TMEM87B: variants seen among roughly 807,000 people sequenced by gnomAD.
TMEM87B encodes transmembrane protein 87B.
TMEM87B carries 83 observed loss-of-function variants against 80.3 expected under a neutral mutation model. The ratio of observed to expected loss-of-function variants is 1.03; its 90% CI spans 0.87 to 1.24. TMEM87B has a LOEUF of 1.24. TMEM87B is among the 50% of genes most tolerant of loss of function. TMEM87B has a pLI of 0.00. For synonymous variants in TMEM87B, 219 were observed against 230.5 expected, an observed-to-expected ratio of 0.95 and a Z score of 0.45; for missense variants, 625 against 674.4, an observed-to-expected ratio of 0.93 and a Z score of 0.81.
rs1316295523 is a variant in TMEM87B at position 112,055,540 on chromosome 2, G to C, written c.-52G>C. On this transcript the variant is annotated 5_prime_UTR_variant, in exon 1 of 19. Transcript: ENST00000283206. ...GCCTGCCTGGGGCGGTGCTGCACCA[G>C]GTGCGGGTGTGGCAGGCGTCTCGGA... 9 of 1,452,950 alleles carry C rather than the reference G, an allele frequency of 6.2e-6. No individual in the cohort carries two copies. The highest frequency in any genetic ancestry group is 3.6e-6 in the Non-Finnish European group (4 of 1,106,602). 90.0% of individuals were successfully genotyped at this position (1,452,950 alleles called of 1,614,324 possible).
chr2:112,112,905 T>C lies in TMEM87B; in HGVS notation c.1584T>C (p.Leu528=), dbSNP rs770086276. Residue 528 remains leucine, a synonymous_variant, in exon 18 of 19, where the codon CTT becomes CTC. Transcript: ENST00000283206. ...TTTTTCCCTTTTATTTCAGAGCTCT[T>C]CCAGTGTTAGTGGATTCAGATGAGG... ...NIPSSFTDVA[L]PVLVDSDEEI... The C allele has an allele frequency of 1.9e-6, 3 of 1,612,790 alleles. No homozygotes were observed. Among genetic ancestry groups the C allele is most frequent in the Non-Finnish European group, 2.5e-6 (3 of 1,179,116 alleles).
intron 11 of TMEM87B, chr2:112,095,550 T>TAA: frequency 1.3e-6 from 1 of 789,292 alleles, no homozygotes; most frequent in Non-Finnish European, 1.5e-6. Flanking sequence ...TCAAGAATTG[T>TAA]TAAAAGTATA....
chr2:112,106,122 C>T (rs1553468634), intron 16 of TMEM87B, 47 bp downstream of exon 16: 1 of 1,263,104 alleles, frequency 7.9e-7, no homozygotes, highest in East Asian at 2.7e-5. Flanking sequence ...CCTTAGTCTT[C>T]ACTACTTTAG....
chr2:112,065,921 G>T (rs772594370), intron 3 of TMEM87B, among the ~76,000 whole-genome samples: 2 of 152,152 alleles, frequency 1.3e-5, no homozygotes, highest in Admixed American at 6.5e-5. Context: ...TTCATGATCA[G>T]ATTCAAGTTA....
chr2:112,102,106 T>A (rs950604119), intron 15 of TMEM87B, among the ~76,000 whole-genome samples: 1 of 152,186 alleles, frequency 6.6e-6, no homozygotes, highest in Non-Finnish European at 1.5e-5. Context: ...AATATTCTAA[T>A]TTTACACAAA....
At chr2:112,109,457 G>A (rs1209724994) in intron 17 of TMEM87B, among the ~76,000 whole-genome samples, 1 of 151,986 alleles carries the variant, frequency 6.6e-6, no homozygotes, top group African/African-American at 2.4e-5. Flanking sequence ...TAGTTTTGCT[G>A]GATATAGAAA....
chr2:112,064,170 T>C lies in TMEM87B; in HGVS notation c.235T>C (p.Phe79Leu). The change falls in exon 3 of 19, where the codon TTC becomes CTC. Residue 79 changes from phenylalanine (F) to leucine (L), a missense_variant. By Grantham distance (22) the Phe-to-Leu change is conservative. Coordinates refer to ENST00000283206, the MANE Select transcript of TMEM87B (RefSeq NM_032824.3). ...STDIKLSVKS[F>L]HCSGPVKFTI... is the part of the protein sequence containing the mutation. ...TTTCTTTTTCTAAACAGTTAAGTCA[T>C]TCCATTGTTCTGGGCCTGTGAAGTT... 6.2e-7 allele frequency: 1 copy of C among 1,613,568 alleles called. No individual in the cohort carries two copies.
chr2:112,076,842 T>TTGTGTGTGTGTG lies in TMEM87B; in HGVS notation c.502-314_502-303dup, dbSNP rs70962982. 1.7e-3 allele frequency among the ~76,000 whole-genome samples: 232 copies of TTGTGTGTGTGTG among 139,258 alleles called. 1 individual carries two copies. The highest frequency in any genetic ancestry group is 7.1e-3 in the Middle Eastern group (2 of 282). 91.4% of individuals were successfully genotyped at this position (139,258 alleles called of 152,430 possible). A position where few individuals can be genotyped will look rare whatever the true frequency, so the allele number is the denominator to read the frequency against. On this transcript the variant is annotated intron_variant, in intron 5 of 18. Coordinates refer to ENST00000283206, the MANE Select transcript of TMEM87B (RefSeq NM_032824.3). ...CACTACCTGCCATTCCTTTTCTGTT[T>TTGTGTGTGTGTG]TGTGTGTGTGTGTGTGTGTGTGTGT...
rs1239822982 is a variant in TMEM87B, at chr2:112,119,192, C to T, written c.*3049C>T. 2.6e-5 allele frequency: 4 copies of T among 151,918 alleles called. No homozygotes were observed. The highest frequency in any genetic ancestry group is 1.9e-4 in the East Asian group (1 of 5,192). The allele number at this position is 151,918 out of a possible 1,614,324, so 9.4% of individuals were successfully genotyped here. A position where few individuals can be genotyped will look rare whatever the true frequency, so the allele number is the denominator to read the frequency against. ...TCTATTTTAAAAAGTTAAATTATTCCGTAATTTGGAAGAAGTTTCGTTGAA... is the reference window on the plus strand; with the variant it reads ...TCTATTTTAAAAAGTTAAATTATTCTGTAATTTGGAAGAAGTTTCGTTGAA... On this transcript the variant is annotated 3_prime_UTR_variant, in exon 19 of 19. Coordinates refer to ENST00000283206, the MANE Select transcript of TMEM87B (RefSeq NM_032824.3).
intron 3 of TMEM87B, among the ~76,000 whole-genome samples, chr2:112,066,053 CTT>C (rs776839208): frequency 2.6e-5 from 4 of 152,326 alleles, no homozygotes; most frequent in East Asian, 1.9e-4. Flanking sequence ...CTACTTTTCT[CTT>C]TGTTATTAAC....
chr2:112,087,525 C>T lies in TMEM87B; in HGVS notation c.938+1421C>T, dbSNP rs374044238. ...CCTGTCATTTCCCCCACATCTGGAC[C>T]GCATGAACCACTTTCCTCTTCTTGA... is the stretch of plus-strand genomic sequence containing the variant. On this transcript the variant is annotated intron_variant, in intron 9 of 18. Transcript: ENST00000283206. 6.6e-5 allele frequency among the ~76,000 whole-genome samples: 10 copies of T among 152,082 alleles called. No individual in the cohort carries two copies. The East Asian group carries it at 9.7e-4, about 15-fold the overall frequency.
intron 8 of TMEM87B, among the ~76,000 whole-genome samples, chr2:112,082,982 G>A (rs954848118): frequency 3.9e-5 from 6 of 152,182 alleles, no homozygotes; most frequent in African/African-American, 9.7e-5. Flanking sequence ...CAGGAGTCCC[G>A]TCCAATAGGA....
At chr2:112,059,915 G>A (rs1678193240) in intron 1 of TMEM87B, 62 bp from the exon 2 acceptor site, 3 of 1,563,082 alleles carry the variant, frequency 1.9e-6, no homozygotes, top group South Asian at 1.1e-5. Flanking sequence ...TATGTTGTGG[G>A]GTAAAACAGT....
At chr2:112,072,739 A>G (rs1678689842) in intron 4 of TMEM87B, among the ~76,000 whole-genome samples, 1 of 151,440 alleles carries the variant, frequency 6.6e-6, no homozygotes, top group Non-Finnish European at 1.5e-5. Flanking sequence ...TGGTCTTTTG[A>G]ATGGTTTTTC....
At chr2:112,055,778 A>G in intron 1 of TMEM87B, 22 bp downstream of exon 1, 4 of 1,454,224 alleles carry the variant, frequency 2.8e-6, no homozygotes, top group Non-Finnish European at 3.6e-6. Context: ...GTCGGGACCC[A>G]GGCGTGGCAC....
In TMEM87B at chr2:112,100,107, G is replaced by A. The variant is rs1354439836; in HGVS notation, c.1377-515G>A. ...TTGGACATCATCTTGGCAAACTTTT[G>A]TTAGTGTAATGTAAGGTAAATGAAT... On this transcript the variant is annotated intron_variant, in intron 14 of 18. Coordinates refer to ENST00000283206, the MANE Select transcript of TMEM87B (RefSeq NM_032824.3). 5.9e-5 allele frequency among the ~76,000 whole-genome samples: 9 copies of A among 152,218 alleles called. No homozygotes were observed. In the South Asian group the frequency reaches 1.5e-3, roughly 25 times the overall value.
chr2:112,100,526 T>C lies in TMEM87B; in HGVS notation c.1377-96T>C, dbSNP rs184900222. ...TTATTTTAAAGTATAAGAAATTTTTTAAATGTAGATTTTTTATACAATGGC... is the reference window on the plus strand; with the variant it reads ...TTATTTTAAAGTATAAGAAATTTTTCAAATGTAGATTTTTTATACAATGGC... On this transcript the variant is annotated intron_variant, in intron 14 of 18. Transcript: ENST00000283206. 4.1e-5 allele frequency: 29 copies of C among 705,546 alleles called. No homozygotes were observed. In the Admixed American group the frequency reaches 9.0e-4, roughly 22 times the overall value. 43.7% of individuals were successfully genotyped at this position (705,546 alleles called of 1,614,324 possible).
chr2:112,098,733 T>C, intron 14 of TMEM87B, 35 bp downstream of exon 14: 1 of 1,587,422 alleles, frequency 6.3e-7, no homozygotes, highest in Admixed American at 1.7e-5. Context: ...TCGTCAAGGA[T>C]TTGTTGATCA....
At chr2:112,085,521 C>G (rs1156812710) in intron 8 of TMEM87B, among the ~76,000 whole-genome samples, 2 of 152,172 alleles carry the variant, frequency 1.3e-5, no homozygotes, top group Non-Finnish European at 2.9e-5. Flanking sequence ...ACACTGAGTT[C>G]TATTTACTTA....
Sources: gnomAD v4.1 joint callset for allele counts (sites outside exome capture counted in the v4.1 genomes callset) on GRCh38, gnomAD v4.1.1 for gene constraint, MANE v1.5 for transcripts, NCBI Gene and HGNC (gene_info 2026-07-23, HGNC 2026-07-21) for gene names.